Variants in CAND2 observed in about 807,000 individuals in gnomAD.
CAND2 encodes the protein cullin-associated NEDD8-dissociated protein 2.
Under a neutral mutation model 98.9 loss-of-function variants are expected in CAND2, and 62 were observed. The ratio of observed to expected loss-of-function variants is 0.63; its 90% CI spans 0.51 to 0.77. The LOEUF is 0.77. Among genes scored for constraint, CAND2 ranks in the 30% least tolerant of loss-of-function variants. The pLI is 0.00. For synonymous variants in CAND2, 770 were observed against 731.9 expected, an observed-to-expected ratio of 1.05 and a Z score of -0.84; for missense variants, 1,501 against 1,655.2, an observed-to-expected ratio of 0.91 and a Z score of 1.62.
At chr3:12,831,659 C>T in intron 14 of CAND2, 87 bp downstream of exon 14, 1 of 760,540 alleles carries the variant, frequency 1.3e-6, no homozygotes, top group South Asian at 1.8e-5. Context: ...CTGAGCACTT[C>T]CTGCAGTGCA....
chr3:12,818,655 A>G (rs1223727355), intron 10 of CAND2, among the ~76,000 whole-genome samples: 5 of 152,240 alleles, frequency 3.3e-5, no homozygotes, highest in Non-Finnish European at 7.3e-5. Context: ...CCCTTACAGA[A>G]CCAGTGGATG....
At chr3:12,827,410 C>A in intron 12 of CAND2, 30 bp from the exon 13 acceptor site, 1 of 1,599,532 alleles carries the variant, frequency 6.3e-7, no homozygotes. Flanking sequence ...CACCCTGGGG[C>A]CATATCACCA....
Position 12,815,763 on chromosome 3 carries a change from C to A in CAND2, c.1300-104C>A. ...GAGTGCTTGGGAGATATCTTGATGC[C>A]GACATCCTCCCTGGGGATGTGTCTG... On this transcript the variant is annotated intron_variant, in intron 8 of 14. Transcript: ENST00000456430. The surrounding 1 kb of genome is among the most constrained non-coding windows in gnomAD (Gnocchi z 5.7). 8.8e-7 allele frequency: 1 copy of A among 1,134,904 alleles called. No individual in the cohort carries two copies. Among genetic ancestry groups the A allele is most frequent in the Non-Finnish European group, 1.3e-6 (1 of 784,150 alleles). The allele number at this position is 1,134,904 out of a possible 1,614,324, so 70.3% of individuals were successfully genotyped here. A position where few individuals can be genotyped will look rare whatever the true frequency, so the allele number is the denominator to read the frequency against.
chr3:12,834,294 G>T lies in CAND2; in HGVS notation c.*312G>T. Reference sequence around the variant, plus strand: ...CATAGTCTGTCTGGTTCCTTCAGAGGGTGTCTCTGCCTCACAAACTAGTAG... The same window carrying T: ...CATAGTCTGTCTGGTTCCTTCAGAGTGTGTCTCTGCCTCACAAACTAGTAG... On this transcript the variant is annotated 3_prime_UTR_variant, in exon 15 of 15. Coordinates refer to ENST00000456430, the MANE Select transcript of CAND2 (RefSeq NM_001162499.2). The T allele has an allele frequency of 2.9e-6, 1 of 346,336 alleles. No individual in the cohort carries two copies. The highest frequency in any genetic ancestry group is 5.4e-6 in the Non-Finnish European group (1 of 185,106). The allele number at this position is 346,336 out of a possible 1,614,324, so 21.5% of individuals were successfully genotyped here.
chr3:12,823,168 G>A (rs555849485), intron 11 of CAND2, among the ~76,000 whole-genome samples: 1 of 152,310 alleles, frequency 6.6e-6, no homozygotes, highest in South Asian at 2.1e-4. Flanking sequence ...TAATACTCGT[G>A]TGTAGTTTTT....
intron 11 of CAND2, among the ~76,000 whole-genome samples, chr3:12,823,419 CA>C (rs1171371493): frequency 1.3e-5 from 2 of 151,328 alleles, no homozygotes; most frequent in Non-Finnish European, 2.9e-5. Flanking sequence ...CCATCTCTAC[CA>C]AAAAATATAA....
chr3:12,821,789 C>T lies in CAND2; in HGVS notation c.3040+1608C>T, dbSNP rs144212881. Among the ~76,000 whole-genome samples the T allele has an allele frequency of 2.4e-3, 368 of 152,286 alleles. 2 individuals carry two copies. Among genetic ancestry groups the T allele is most frequent in the Middle Eastern group, 0.02 (6 of 294 alleles). On this transcript the variant is annotated intron_variant, in intron 11 of 14. Coordinates refer to ENST00000456430, the MANE Select transcript of CAND2 (RefSeq NM_001162499.2). ...GTGAGCATCCTTGCTCTGCTGGGAGCCTTCCTGCCCTTCCCAGTGCATCAC... is the reference window on the plus strand; with the variant it reads ...GTGAGCATCCTTGCTCTGCTGGGAGTCTTCCTGCCCTTCCCAGTGCATCAC...
intron 10 of CAND2, among the ~76,000 whole-genome samples, chr3:12,819,629 T>C (rs1447029178): frequency 1.3e-5 from 2 of 152,214 alleles, no homozygotes; most frequent in African/African-American, 4.8e-5. Context: ...CTGGATCTGC[T>C]GTGTGGCCCT....
chr3:12,821,751 C>T (rs2061958589), intron 11 of CAND2, among the ~76,000 whole-genome samples: 1 of 152,094 alleles, frequency 6.6e-6, no homozygotes, highest in Non-Finnish European at 1.5e-5. Flanking sequence ...TGGATGCTCA[C>T]AAGCAAGGAG....
chr3:12,825,032 A>G (rs964546858), intron 11 of CAND2, among the ~76,000 whole-genome samples: 4 of 152,160 alleles, frequency 2.6e-5, no homozygotes, highest in Non-Finnish European at 5.9e-5. Context: ...TGTAATAACA[A>G]GTTCACATTC....
chr3:12,824,505 G>A (rs1357067583), intron 11 of CAND2, among the ~76,000 whole-genome samples: 5 of 152,148 alleles, frequency 3.3e-5, no homozygotes, highest in Admixed American at 6.5e-5. Flanking sequence ...CTGTAGTGAC[G>A]GCATTAATCC....
In CAND2 at chr3:12,815,388, G is replaced by A. The variant is rs2061889999; in HGVS notation, c.1254G>A (p.Glu418=). Residue 418 remains glutamate, a synonymous_variant, in exon 8 of 15, where the codon GAG becomes GAA. Transcript: ENST00000456430. This position sits in a 1 kb window ranked among gnomAD's most constrained non-coding sequence, Gnocchi z 5.7. The part of the protein sequence containing the change: ...QPPKGWLEAM[E]EPTQTGSNLH... ...CGAAGGGATGGCTGGAGGCCATGGA[G>A]GAACCCACCCAGACCGGCAGCAACC... The A allele has an allele frequency of 5.0e-6, 8 of 1,613,670 alleles. No individual in the cohort carries two copies. The African/African-American group carries it at 6.7e-5, about 13-fold the overall frequency.
chr3:12,814,149 G>A (rs2124850342), intron 7 of CAND2, among the ~76,000 whole-genome samples: 1 of 152,352 alleles, frequency 6.6e-6, no homozygotes, highest in African/African-American at 2.4e-5. Context: ...TGATCCATTA[G>A]AGGGGATGGC....
intron 1 of CAND2, among the ~76,000 whole-genome samples, chr3:12,797,761 G>A (rs1219981674): frequency 2.0e-5 from 2 of 101,208 alleles, no homozygotes; most frequent in African/African-American, 6.5e-5. Context: ...CATGAAGGGC[G>A]TAGGTTCAGT....
intron 13 of CAND2, among the ~76,000 whole-genome samples, chr3:12,828,066 G>A (rs114396965): frequency 4.3e-3 from 661 of 152,054 alleles, no homozygotes; most frequent in Non-Finnish European, 7.1e-3. Flanking sequence ...ATTGAGGAGC[G>A]AGCTGCATCT....
At chr3:12,829,875 A>G (rs2062039059) in intron 13 of CAND2, among the ~76,000 whole-genome samples, 1 of 152,220 alleles carries the variant, frequency 6.6e-6, no homozygotes, top group African/African-American at 2.4e-5. Context: ...AGTCCTGTCA[A>G]CAGCTGCAGG....
chr3:12,833,651 TG>T, intron 14 of CAND2, 103 bp from the exon 15 acceptor site: 2 of 885,412 alleles, frequency 2.3e-6, no homozygotes, highest in East Asian at 2.4e-5. Flanking sequence ...GGATTTATGT[TG>T]GGGAAGATGA....
chr3:12,825,681 T>A (rs763646446), intron 12 of CAND2, 42 bp downstream of exon 12: 4 of 1,482,674 alleles, frequency 2.7e-6, no homozygotes, highest in Non-Finnish European at 3.7e-6. Context: ...CTGGGGGTGA[T>A]GCCACCTCTC....
In CAND2 at chr3:12,834,212, A is replaced by G. The variant is rs764995315; in HGVS notation, c.*230A>G. ...TTGGGCCCCTTCCTTAACTCAGGACAGTCATCCAAAGAAATAGGGTGAGGA... is the reference window on the plus strand; with the variant it reads ...TTGGGCCCCTTCCTTAACTCAGGACGGTCATCCAAAGAAATAGGGTGAGGA... On this transcript the variant is annotated 3_prime_UTR_variant, in exon 15 of 15. Transcript: ENST00000456430. 3.0e-5 allele frequency: 17 copies of G among 562,458 alleles called. No homozygotes were observed. Among genetic ancestry groups the G allele is most frequent in the Non-Finnish European group, 5.1e-5 (16 of 313,672 alleles). The allele number at this position is 562,458 out of a possible 1,614,324, so 34.8% of individuals were successfully genotyped here.
Sources: allele counts gnomAD v4.1 joint callset (sites outside exome capture counted in the v4.1 genomes callset), GRCh38; gene constraint gnomAD v4.1.1; non-coding constraint Gnocchi (gnomAD v3.1); transcripts MANE v1.5; gene names NCBI Gene and HGNC (gene_info 2026-07-23, HGNC 2026-07-21).